The following TMPRSS11F variants were observed in gnomAD, a reference collection of about 807,000 sequenced individuals.
TMPRSS11F encodes the protein transmembrane serine protease 11F, also known as transmembrane protease serine 11F.
Under a neutral mutation model 60.2 loss-of-function variants are expected in TMPRSS11F, and 47 were observed. That is an observed-to-expected ratio of 0.78 (90% CI 0.62 to 1.00). The LOEUF (loss-of-function observed/expected upper bound fraction) is 1.00, where lower values mean the gene tolerates loss of function less well. TMPRSS11F is among the 50% of genes least tolerant of loss of function. TMPRSS11F has a pLI of 0.00. For missense variants in TMPRSS11F, 519 were observed against 522.9 expected (o/e 0.99, Z 0.07); for synonymous variants, 166 against 167.3 (o/e 0.99, Z 0.06).
intron 2 of TMPRSS11F, among the ~76,000 whole-genome samples, chr4:68,095,128 T>C (rs1724045128): frequency 6.6e-6 from 1 of 151,372 alleles, no homozygotes; most frequent in African/African-American, 2.4e-5. Context: ...GAAGGCAGCA[T>C]TTTATATATA....
chr4:68,059,267 C>T (rs1723106929), intron 9 of TMPRSS11F, 59 bp downstream of exon 9: 13 of 1,578,366 alleles, frequency 8.2e-6, no homozygotes, highest in Non-Finnish European at 1.1e-5. Context: ...ATATGCCAAA[C>T]TCAGAAATAG....
chr4:68,113,204 G>T (rs774052265), intron 1 of TMPRSS11F, among the ~76,000 whole-genome samples: 2 of 152,172 alleles, frequency 1.3e-5, no homozygotes, highest in Non-Finnish European at 2.9e-5. Context: ...TGAGGTCTCA[G>T]AAATGAGAAA....
chr4:68,056,308 TAAAC>T (rs1252449872), intron 9 of TMPRSS11F, among the ~76,000 whole-genome samples: 1 of 151,864 alleles, frequency 6.6e-6, no homozygotes, highest in Non-Finnish European at 1.5e-5. Context: ...TTAGAAGAGA[TAAAC>T]AAATTCAGTA....
chr4:68,083,455 A>G (rs1723747194), intron 3 of TMPRSS11F, among the ~76,000 whole-genome samples: 1 of 152,118 alleles, frequency 6.6e-6, no homozygotes, highest in South Asian at 2.1e-4. Flanking sequence ...GCCAGTCATT[A>G]CTCTTAAGCA....
At chr4:68,060,455 G>A (rs1255815219) in intron 8 of TMPRSS11F, among the ~76,000 whole-genome samples, 1 of 122,120 alleles carries the variant, frequency 8.2e-6, no homozygotes, top group Non-Finnish European at 1.6e-5. Context: ...GGCAGAGCTT[G>A]CAGTGAGCCA....
chr4:68,102,410 T>C (rs1405428286), intron 1 of TMPRSS11F, among the ~76,000 whole-genome samples: 1 of 152,202 alleles, frequency 6.6e-6, no homozygotes, highest in African/African-American at 2.4e-5. Flanking sequence ...TTTTTAAAAA[T>C]GTCTGTACCA....
At chr4:68,098,790 T>C in intron 2 of TMPRSS11F, 97 bp downstream of exon 2, 1 of 1,154,228 alleles carries the variant, frequency 8.7e-7, no homozygotes, top group Non-Finnish European at 1.2e-6. Context: ...AATTAAAATG[T>C]TAATATCATG....
At chr4:68,105,009 T>C (rs1724274268) in intron 1 of TMPRSS11F, among the ~76,000 whole-genome samples, 1 of 149,360 alleles carries the variant, frequency 6.7e-6, no homozygotes, top group Admixed American at 6.7e-5. Context: ...ATCAAGGTGA[T>C]GCTGGCCTTG....
rs1345152103 is a variant in TMPRSS11F at position 68,068,687 on chromosome 4, G to C, written c.686C>G (p.Ser229Ter). ...GAGGCTGGCTCCACACTGATGGCCT[G>C]ACCCTATGAGCTGGAGGCTGGCCTG... The part of the protein sequence containing the change: ...PWQASLQLIG[S>*]GHQCGASLIS... The change falls in exon 7 of 10, where the codon TCA (serine) becomes TGA (stop). Residue 229 changes from serine (S) to a stop codon, truncating the protein, a stop_gained. Coordinates refer to ENST00000356291, the MANE Select transcript of TMPRSS11F (RefSeq NM_207407.2). LOFTEE classifies it high-confidence loss of function. 6.2e-7 allele frequency: 1 copy of C among 1,614,168 alleles called. No individual in the cohort carries two copies. Among genetic ancestry groups the C allele is most frequent in the Non-Finnish European group, 8.5e-7 (1 of 1,180,022 alleles).
chr4:68,121,370 C>T lies in TMPRSS11F; in HGVS notation c.11+8440G>A, dbSNP rs139827793. On this transcript the variant is annotated intron_variant, in intron 1 of 9. Transcript: ENST00000356291. ...ACTGAAAAAGAATTCATAAAGTGTC[C>T]AGTACACTCTCTTCTGAAAAATATG... 2.2e-3 allele frequency among the ~76,000 whole-genome samples: 333 copies of T among 152,178 alleles called. 3 individuals carry two copies. Among genetic ancestry groups the T allele is most frequent in the Admixed American group, 4.9e-3 (75 of 15,292 alleles).
intron 8 of TMPRSS11F, chr4:68,062,967 C>G: frequency 1.4e-6 from 1 of 728,632 alleles, no homozygotes; most frequent in Non-Finnish European, 2.6e-6. Context: ...GGAACTGACC[C>G]GTCTTCGAGA....
chr4:68,064,649 T>A (rs1723282307), intron 8 of TMPRSS11F, 36 bp downstream of exon 8: 3 of 1,603,126 alleles, frequency 1.9e-6, no homozygotes, highest in Non-Finnish European at 2.6e-6. Context: ...TCTCAAGACA[T>A]TCTTGTGCTA....
chr4:68,090,494 T>G (rs756130371), intron 3 of TMPRSS11F, 29 bp downstream of exon 3: 1 of 1,560,814 alleles, frequency 6.4e-7, no homozygotes, highest in South Asian at 1.2e-5. Flanking sequence ...GACACATTAA[T>G]AAACATTTAA....
chr4:68,109,714 CT>C (rs1258539421), intron 1 of TMPRSS11F, among the ~76,000 whole-genome samples: 44 of 152,118 alleles, frequency 2.9e-4, no homozygotes, highest in African/African-American at 8.7e-4. Flanking sequence ...TATAAACATC[CT>C]TTAATAACAT....
intron 1 of TMPRSS11F, among the ~76,000 whole-genome samples, chr4:68,127,982 C>A (rs11943580): frequency 0.36 from 55,419 of 151,846 alleles, 12,573 homozygotes; most frequent in Non-Finnish European, 0.52. Flanking sequence ...TAAACCTTCC[C>A]CACATTTCAC....
Position 68,072,815 on chromosome 4 carries a change from AG to A in TMPRSS11F, c.351-330del, listed in dbSNP as rs1723508495. Reference sequence around the variant, plus strand: ...AAATCATGCTTTATACATACTTAAAAGGCTTGCTTTTTAAGGCATTTTGAAC... The same window carrying A: ...AAATCATGCTTTATACATACTTAAAAGCTTGCTTTTTAAGGCATTTTGAAC... On this transcript the variant is annotated intron_variant, in intron 4 of 9. Coordinates refer to ENST00000356291, the MANE Select transcript of TMPRSS11F (RefSeq NM_207407.2). Among the ~76,000 whole-genome samples the A allele has an allele frequency of 2.6e-5, 4 of 152,258 alleles. No individual in the cohort carries two copies. In the South Asian group the frequency reaches 8.3e-4, roughly 32 times the overall value.
chr4:68,101,609 G>T (rs1489540373), intron 1 of TMPRSS11F, among the ~76,000 whole-genome samples: 1 of 151,984 alleles, frequency 6.6e-6, no homozygotes, highest in Non-Finnish European at 1.5e-5. Flanking sequence ...ATTCCTATAT[G>T]TTTCTCCTGA....
In TMPRSS11F at chr4:68,059,321, CTT is replaced by C; in HGVS notation, c.1158+3_1158+4del. ...ATAAACTTTTGGCCTTGACTTTAAA[CTT>C]ACCTTACATGCATCTATTTTTCCTT... On this transcript the variant is annotated splice_donor_region_variant and intron_variant, in intron 9 of 9. Coordinates refer to ENST00000356291, the MANE Select transcript of TMPRSS11F (RefSeq NM_207407.2). 1 of 1,612,516 alleles carries C rather than the reference CTT, an allele frequency of 6.2e-7. No individual in the cohort carries two copies. The highest frequency in any genetic ancestry group is 2.2e-5 in the East Asian group (1 of 44,834).
chr4:68,087,758 A>G (rs993479455), intron 3 of TMPRSS11F, among the ~76,000 whole-genome samples: 1 of 151,366 alleles, frequency 6.6e-6, no homozygotes, highest in African/African-American at 2.4e-5. Flanking sequence ...TAGGGTACAT[A>G]TGCACAATGT....
Sources: gnomAD v4.1 joint callset for allele counts (sites outside exome capture counted in the v4.1 genomes callset) on GRCh38, gnomAD v4.1.1 for gene constraint, MANE v1.5 for transcripts, NCBI Gene and HGNC (gene_info 2026-07-23, HGNC 2026-07-21) for gene names.